Variants in SMIM35 observed in about 807,000 individuals in gnomAD.
SMIM35 encodes the protein TMPRSS4 antisense RNA 1 (non-protein coding).
rs1263132465 is a variant in SMIM35, at chr11:118,086,905, C to A, written c.-148G>T. Reference sequence around the variant, plus strand: ...TCTGGGGTCAGAGAGCAGAGTGAGGCTCCCTCAGAGGAGCACTGTGGCCGG... The same window carrying A: ...TCTGGGGTCAGAGAGCAGAGTGAGGATCCCTCAGAGGAGCACTGTGGCCGG... On this transcript the variant is annotated 5_prime_UTR_variant, in exon 1 of 5. Transcript: ENST00000689828. 2 of 152,710 alleles carry A rather than the reference C, an allele frequency of 1.3e-5. No individual in the cohort carries two copies. The highest frequency in any genetic ancestry group is 2.9e-5 in the Non-Finnish European group (2 of 68,146). 9.5% of individuals were successfully genotyped at this position (152,710 alleles called of 1,614,324 possible). A position where few individuals can be genotyped will look rare whatever the true frequency, so the allele number is the denominator to read the frequency against.
At chr11:118,037,463 G>C (rs920849592) in intron 1 of SMIM35, among the ~76,000 whole-genome samples, 5 of 152,108 alleles carry the variant, frequency 3.3e-5, no homozygotes, top group East Asian at 1.9e-4. Context: ...GGGGCCCCAG[G>C]GTCCGGTGTT....
chr11:118,057,699 C>T (rs992050568), intron 1 of SMIM35, among the ~76,000 whole-genome samples: 6 of 152,144 alleles, frequency 3.9e-5, no homozygotes, highest in African/African-American at 1.2e-4. Flanking sequence ...TGAGGGGATT[C>T]GCCTCGGAGG....
chr11:118,083,279 G>C (rs182095724), intron 1 of SMIM35, among the ~76,000 whole-genome samples: 2 of 152,148 alleles, frequency 1.3e-5, no homozygotes, highest in African/African-American at 4.8e-5. Context: ...TTTCTCAGAC[G>C]GCCACACACA....
intron 1 of SMIM35, chr11:118,025,420 C>T (rs58768562): frequency 0.092 from 40,024 of 437,118 alleles, 2,660 homozygotes; most frequent in East Asian, 0.36. Flanking sequence ...AGTGTGTAAA[C>T]GTTCCCTTTC....
intron 1 of SMIM35, among the ~76,000 whole-genome samples, chr11:118,060,178 C>T (rs1425964300): frequency 6.6e-6 from 1 of 152,210 alleles, no homozygotes; most frequent in Non-Finnish European, 1.5e-5. Context: ...CATGCCTCTC[C>T]TCCAGGTCCC....
At chr11:118,034,881 TG>T (rs1251773738) in intron 1 of SMIM35, among the ~76,000 whole-genome samples, 1 of 152,166 alleles carries the variant, frequency 6.6e-6, no homozygotes, top group Non-Finnish European at 1.5e-5. Flanking sequence ...CCTTGGAATA[TG>T]TGTCCATTAG....
chr11:118,063,459 A>G (rs1482025491), intron 1 of SMIM35, among the ~76,000 whole-genome samples: 1 of 151,934 alleles, frequency 6.6e-6, no homozygotes. Context: ...CTTTTTGCCT[A>G]TTGTGGTAAA....
chr11:118,056,641 C>A (rs995236246), intron 1 of SMIM35, among the ~76,000 whole-genome samples: 2 of 152,048 alleles, frequency 1.3e-5, no homozygotes, highest in African/African-American at 4.8e-5. Flanking sequence ...GGGATGAAAT[C>A]CCCAGGAGGA....
chr11:118,080,081 TG>T (rs1945008024), intron 1 of SMIM35, among the ~76,000 whole-genome samples: 1 of 152,056 alleles, frequency 6.6e-6, no homozygotes. Flanking sequence ...TAAATGGGGC[TG>T]GGGATTGGGA....
intron 1 of SMIM35, among the ~76,000 whole-genome samples, chr11:118,036,291 C>CT (rs1443365432): frequency 1.3e-5 from 2 of 152,222 alleles, no homozygotes; most frequent in African/African-American, 2.4e-5. Flanking sequence ...TGAGGAAATG[C>CT]TGGTAAATTA....
chr11:118,022,351 A>T (rs1360675812), intron 1 of SMIM35, among the ~76,000 whole-genome samples: 1 of 152,196 alleles, frequency 6.6e-6, no homozygotes, highest in Non-Finnish European at 1.5e-5. Flanking sequence ...CCCTGGCCCA[A>T]CAATAAGTCT....
chr11:118,081,656 C>T (rs1446049782), intron 1 of SMIM35, among the ~76,000 whole-genome samples: 1 of 152,236 alleles, frequency 6.6e-6, no homozygotes, highest in African/African-American at 2.4e-5. Flanking sequence ...ATGTCCTGCA[C>T]ATCAGTCTGG....
At chr11:118,044,485 A>G (rs1057305016) in intron 1 of SMIM35, among the ~76,000 whole-genome samples, 6 of 152,096 alleles carry the variant, frequency 3.9e-5, no homozygotes, top group African/African-American at 1.4e-4. Context: ...TTCTCTCCAG[A>G]TGCCCCTCCA....
intron 1 of SMIM35, among the ~76,000 whole-genome samples, chr11:118,082,352 G>A (rs1034289194): frequency 4.6e-5 from 7 of 152,128 alleles, no homozygotes; most frequent in African/African-American, 1.4e-4. Flanking sequence ...CCTGAGGTCA[G>A]AAGTTCAAGA....
At chr11:118,082,679 GACTAA>G (rs1261485347) in intron 1 of SMIM35, among the ~76,000 whole-genome samples, 2 of 152,064 alleles carry the variant, frequency 1.3e-5, no homozygotes, top group African/African-American at 2.4e-5. Context: ...CTTTCAAGAA[GACTAA>G]ACTAAAGTTT....
intron 1 of SMIM35, among the ~76,000 whole-genome samples, chr11:118,058,240 C>T (rs1046346310): frequency 2.6e-5 from 4 of 152,120 alleles, no homozygotes; most frequent in African/African-American, 9.7e-5. Context: ...GCATTGGCTG[C>T]CACACACCTC....
intron 1 of SMIM35, chr11:118,077,450 C>T (rs559975641): frequency 1.6e-5 from 16 of 974,484 alleles, no homozygotes; most frequent in Non-Finnish European, 1.9e-5. Context: ...AATCCCCTCA[C>T]ACCCCAGCCC....
intron 1 of SMIM35, among the ~76,000 whole-genome samples, chr11:118,027,888 T>C (rs1397669888): frequency 1.3e-5 from 2 of 152,202 alleles, no homozygotes; most frequent in Non-Finnish European, 2.9e-5. Context: ...CAGCCTCCAC[T>C]CTTACCATTA....
At chr11:118,046,430 C>G (rs373273088) in intron 1 of SMIM35, among the ~76,000 whole-genome samples, 1 of 152,096 alleles carries the variant, frequency 6.6e-6, no homozygotes, top group Non-Finnish European at 1.5e-5. Flanking sequence ...TATGAAGAAC[C>G]AGGAGGCCCC....
Sources: allele counts gnomAD v4.1 joint callset (sites outside exome capture counted in the v4.1 genomes callset), GRCh38; gene constraint gnomAD v4.1.1; transcripts MANE v1.5; gene names NCBI Gene and HGNC (gene_info 2026-07-23, HGNC 2026-07-21).